SORBS2: variants seen among roughly 807,000 people sequenced by gnomAD.
The protein encoded by SORBS2 is sorbin and SH3 domain-containing protein 2.
Under a neutral mutation model 97.7 loss-of-function variants are expected in SORBS2, and 46 were observed. That is an observed-to-expected ratio of 0.47 (90% CI 0.37 to 0.60). The LOEUF (loss-of-function observed/expected upper bound fraction) is 0.60. Among genes scored for constraint, SORBS2 ranks in the 20% least tolerant of loss-of-function variants. The pLI is 0.00. For synonymous variants in SORBS2, 476 were observed against 473.4 expected (o/e 1.01, Z -0.07); for missense variants, 1,316 against 1,282.3 (o/e 1.03, Z -0.40).
At chr4:185,628,428 T>C (rs2096853969) in intron 5 of SORBS2, among the ~76,000 whole-genome samples, 1 of 152,128 alleles carries the variant, frequency 6.6e-6, no homozygotes, top group Non-Finnish European at 1.5e-5. Context: ...TTAGAAGATG[T>C]TATATTGGAA....
At chr4:185,923,606 C>T (rs1490543343) in intron 1 of SORBS2, among the ~76,000 whole-genome samples, 1 of 151,492 alleles carries the variant, frequency 6.6e-6, no homozygotes, top group East Asian at 1.9e-4. Flanking sequence ...GCCAATTTTT[C>T]TATAGACCTT....
chr4:185,607,840 G>A lies in SORBS2; in HGVS notation c.2796+3940C>T, dbSNP rs569650356. ...CTCCCGAGTAGCTGGGACTACAGGC[G>A]CATGTCACCAGTACAGCTAATTTTT... On this transcript the variant is annotated intron_variant, in intron 12 of 14. Coordinates refer to ENST00000418609, the Ensembl canonical transcript of SORBS2. This position sits in a 1 kb window ranked among gnomAD's most constrained non-coding sequence, Gnocchi z 5.2. 1.3e-4 allele frequency among the ~76,000 whole-genome samples: 20 copies of A among 152,018 alleles called. No homozygotes were observed. Among genetic ancestry groups the A allele is most frequent in the African/African-American group, 4.1e-4 (17 of 41,472 alleles).
At chr4:185,674,599 G>C (rs574119626) in intron 4 of SORBS2, among the ~76,000 whole-genome samples, 17 of 152,240 alleles carry the variant, frequency 1.1e-4, no homozygotes, top group Admixed American at 2.6e-4. Flanking sequence ...TTTTTATTGA[G>C]AGTAAATGTC....
intron 1 of SORBS2, among the ~76,000 whole-genome samples, chr4:185,797,494 A>G (rs1392582752): frequency 6.6e-6 from 1 of 152,030 alleles, no homozygotes; most frequent in African/African-American, 2.4e-5. Context: ...AACCCAAACT[A>G]CTTAACATGA....
chr4:185,784,237 T>C (rs1008947206), intron 1 of SORBS2, among the ~76,000 whole-genome samples: 1 of 152,112 alleles, frequency 6.6e-6, no homozygotes, highest in Non-Finnish European at 1.5e-5. Flanking sequence ...GTTCACACCA[T>C]TCTCCTGCCT....
chr4:185,709,320 T>TTTTTTTTTTTTTTTTTTTTTCTTC, intron 2 of SORBS2, among the ~76,000 whole-genome samples: 1 of 141,042 alleles, frequency 7.1e-6, no homozygotes, highest in African/African-American at 2.6e-5. Context: ...TTTTTTTTTT[T>TTTTTTTTTTTTTTTTTTTTTCTTC]TTTTAGTAAA....
At chr4:185,805,227 G>A (rs1247278433) in intron 1 of SORBS2, among the ~76,000 whole-genome samples, 1 of 7,736 alleles carries the variant, frequency 1.3e-4, no homozygotes, top group Non-Finnish European at 3.8e-4. Context: ...TCACCAGGAA[G>A]ACTATATATA....
At chr4:185,589,020 T>A (rs1580364209) in intron 14 of SORBS2, 1 of 152,230 alleles carries the variant, frequency 6.6e-6, no homozygotes, top group Non-Finnish European at 1.5e-5. Context: ...TGAGCCCTCC[T>A]CTCCTCTCAC....
At chr4:185,901,128 C>T (rs558711883) in intron 1 of SORBS2, among the ~76,000 whole-genome samples, 64 of 152,232 alleles carry the variant, frequency 4.2e-4, no homozygotes, top group African/African-American at 1.3e-3. Context: ...TCTATCTTTT[C>T]GGAATACATA....
At position 185,756,812 on chromosome 4, in the gene SORBS2, G is replaced by A. The variant is rs1291707325; in HGVS notation, c.-198+18415C>T. Among the ~76,000 whole-genome samples, 3 of 148,590 alleles carry A rather than the reference G, an allele frequency of 2.0e-5. No individual in the cohort carries two copies. The East Asian group carries it at 5.9e-4, about 29-fold the overall frequency. On this transcript the variant is annotated intron_variant, in intron 2 of 20. Coordinates refer to the SORBS2 transcript ENST00000284776. ...GATCCTTTGGTCTTTCCCGTGGCAT[G>A]CTCCTAAAACAACTAAAACAACCCT...
chr4:185,849,683 G>A (rs1249126466), intron 1 of SORBS2, among the ~76,000 whole-genome samples: 1 of 152,162 alleles, frequency 6.6e-6, no homozygotes, highest in Non-Finnish European at 1.5e-5. Context: ...TCTCACAGGG[G>A]CAGGCCTGGG....
intron 4 of SORBS2, among the ~76,000 whole-genome samples, chr4:185,632,990 T>C (rs979039460): frequency 2.0e-5 from 3 of 152,212 alleles, no homozygotes; most frequent in Non-Finnish European, 4.4e-5. Context: ...ATGAAAATTA[T>C]CTCCAGAAAA....
exon 8 of SORBS2, chr4:185,620,076 G>A: frequency 1.2e-6 from 2 of 1,604,774 alleles, no homozygotes; most frequent in East Asian, 2.2e-5. Context: ...TTTTTCTGGA[G>A]TTCCTCTTCT....
At chr4:185,704,880 G>A (rs1403391535) in intron 2 of SORBS2, among the ~76,000 whole-genome samples, 1 of 152,220 alleles carries the variant, frequency 6.6e-6, no homozygotes, top group Non-Finnish European at 1.5e-5. Flanking sequence ...TTAACACAGA[G>A]TGGGCAGATG....
At chr4:185,872,139 A>G (rs1307793024) in intron 1 of SORBS2, among the ~76,000 whole-genome samples, 1 of 152,222 alleles carries the variant, frequency 6.6e-6, no homozygotes, top group African/African-American at 2.4e-5. Context: ...TCATGTTCTG[A>G]AGGCACCCTT....
intron 7 of SORBS2, among the ~76,000 whole-genome samples, chr4:185,622,286 G>GAGA: frequency 6.6e-6 from 1 of 152,296 alleles, no homozygotes; most frequent in East Asian, 1.9e-4. Flanking sequence ...TAATGGAAAA[G>GAGA]AGAAAATGAA....
At chr4:185,610,606 T>C (rs572339714) in intron 12 of SORBS2, among the ~76,000 whole-genome samples, 228 of 152,304 alleles carry the variant, frequency 1.5e-3, no homozygotes, top group Non-Finnish European at 2.0e-3. Context: ...GATGGCAGAT[T>C]CTTAGATCAT....
Position 185,912,333 on chromosome 4 carries a change from G to A in SORBS2, c.-338+43863C>T, listed in dbSNP as rs567309936. 2.2e-3 allele frequency among the ~76,000 whole-genome samples: 339 copies of A among 151,906 alleles called. 2 individuals are homozygous for A. The highest frequency in any genetic ancestry group is 7.4e-3 in the African/African-American group (308 of 41,402). On this transcript the variant is annotated intron_variant, in intron 1 of 20. Coordinates refer to the SORBS2 transcript ENST00000284776. ...GGCATGGTGGCTCATGCCTGTAATC[G>A]CAGCACTTTGGAAGGCCGAGGCGGG...
At chr4:185,886,554 CAAAAAAA>C (rs1198439527) in intron 1 of SORBS2, among the ~76,000 whole-genome samples, 3 of 72,950 alleles carry the variant, frequency 4.1e-5, no homozygotes, top group South Asian at 4.1e-4. Flanking sequence ...GACTCTGTCT[CAAAAAAA>C]AAAAAAAAAA....
Sources: allele counts gnomAD v4.1 joint callset (sites outside exome capture counted in the v4.1 genomes callset), GRCh38; gene constraint gnomAD v4.1.1; non-coding constraint Gnocchi (gnomAD v3.1); transcripts MANE v1.5; gene names NCBI Gene and HGNC (gene_info 2026-07-23, HGNC 2026-07-21).